The following MAGI2 variants were observed in gnomAD, a reference collection of about 807,000 sequenced individuals.
The protein encoded by MAGI2 is membrane-associated guanylate kinase, WW and PDZ domain-containing protein 2.
Under a neutral mutation model 133.3 loss-of-function variants are expected in MAGI2, and 35 were observed. That is an observed-to-expected ratio of 0.26 (90% confidence interval 0.20 to 0.35). The LOEUF (loss-of-function observed/expected upper bound fraction) is 0.35. MAGI2 is among the 10% of genes least tolerant of loss of function. The pLI is 1.00. For synonymous variants in MAGI2, 729 were observed against 710.6 expected (o/e 1.03, Z -0.41); for missense variants, 1,636 against 1,863.4 (o/e 0.88, Z 2.25).
chr7:79,355,712 C>G (rs922415312), intron 1 of MAGI2, among the ~76,000 whole-genome samples: 1 of 152,162 alleles, frequency 6.6e-6, no homozygotes, highest in South Asian at 2.1e-4. Context: ...TAGAGTTCTA[C>G]CTATTTTTAT....
At chr7:79,397,677 T>G (rs2129158534) in intron 1 of MAGI2, among the ~76,000 whole-genome samples, 1 of 152,288 alleles carries the variant, frequency 6.6e-6, no homozygotes, top group Non-Finnish European at 1.5e-5. Context: ...TACTTGTTTT[T>G]GTTAGCAATT....
intron 3 of MAGI2, among the ~76,000 whole-genome samples, chr7:78,602,153 A>C (rs942441250): frequency 6.6e-6 from 1 of 152,050 alleles, no homozygotes; most frequent in Non-Finnish European, 1.5e-5. Context: ...GAGATTAAGT[A>C]CTTTTTTTTT....
At chr7:79,253,937 G>T (rs992753648) in intron 1 of MAGI2, among the ~76,000 whole-genome samples, 1 of 152,122 alleles carries the variant, frequency 6.6e-6, no homozygotes, top group Middle Eastern at 3.4e-3. Context: ...TGGATCTAAA[G>T]ATATTTATCA....
chr7:78,885,521 T>A (rs535234513), intron 2 of MAGI2, among the ~76,000 whole-genome samples: 2 of 151,992 alleles, frequency 1.3e-5, no homozygotes, highest in South Asian at 4.2e-4. Context: ...GAACTTTAAG[T>A]GGAACAATCA....
chr7:78,961,855 C>G (rs1802870739), intron 2 of MAGI2, among the ~76,000 whole-genome samples: 1 of 152,002 alleles, frequency 6.6e-6, no homozygotes, highest in Admixed American at 6.6e-5. Flanking sequence ...TTACACAAAC[C>G]TAGATGGTAT....
intron 1 of MAGI2, among the ~76,000 whole-genome samples, chr7:79,358,760 C>T (rs1410002385): frequency 1.3e-5 from 2 of 152,088 alleles, no homozygotes; most frequent in African/African-American, 4.8e-5. Flanking sequence ...GAACCAACAG[C>T]AAGAAGGAGG....
chr7:79,336,817 C>G (rs373508064), intron 1 of MAGI2, among the ~76,000 whole-genome samples: 2 of 151,806 alleles, frequency 1.3e-5, no homozygotes, highest in African/African-American at 4.8e-5. Flanking sequence ...ATACAGAGAT[C>G]GAGAATAACA....
chr7:78,586,892 C>T (rs1803474520), intron 3 of MAGI2, among the ~76,000 whole-genome samples: 1 of 152,224 alleles, frequency 6.6e-6, no homozygotes, highest in African/African-American at 2.4e-5. Flanking sequence ...CATGTTGTAG[C>T]ATTTTTCAGA....
At chr7:78,299,260 A>T (rs1797616910) in intron 9 of MAGI2, among the ~76,000 whole-genome samples, 1 of 152,216 alleles carries the variant, frequency 6.6e-6, no homozygotes, top group Non-Finnish European at 1.5e-5. Context: ...AATGAGTCAT[A>T]TTTCAAATTT....
At chr7:78,307,089 C>T (rs908750367) in intron 9 of MAGI2, among the ~76,000 whole-genome samples, 1 of 152,012 alleles carries the variant, frequency 6.6e-6, no homozygotes, top group Non-Finnish European at 1.5e-5. Flanking sequence ...AATATTAATC[C>T]CATACTAAAG....
At chr7:78,785,209 A>T (rs1826715475) in intron 2 of MAGI2, among the ~76,000 whole-genome samples, 1 of 152,228 alleles carries the variant, frequency 6.6e-6, no homozygotes, top group African/African-American at 2.4e-5. Flanking sequence ...TAAATATTTT[A>T]AAATGGGAGA....
chr7:78,722,240 A>C (rs1181251381), intron 2 of MAGI2, among the ~76,000 whole-genome samples: 1 of 151,950 alleles, frequency 6.6e-6, no homozygotes, highest in African/African-American at 2.4e-5. Flanking sequence ...TAAGCAATGT[A>C]GTTTTACTTT....
At chr7:79,172,275 T>C (rs6971099) in intron 1 of MAGI2, among the ~76,000 whole-genome samples, 90,230 of 151,892 alleles carry the variant, frequency 0.59, 31,363 homozygotes, top group Non-Finnish European at 0.78. Flanking sequence ...TTCAGTTTGA[T>C]CTCTTGGTAT....
At chr7:79,171,751 T>TATATAC (rs1825582402) in intron 1 of MAGI2, among the ~76,000 whole-genome samples, 1 of 29,474 alleles carries the variant, frequency 3.4e-5, no homozygotes, top group Non-Finnish European at 1.1e-4. Context: ...AAAATATATA[T>TATATAC]ATATATATAT....
intron 1 of MAGI2, among the ~76,000 whole-genome samples, chr7:79,133,473 T>G (rs1821117983): frequency 2.0e-5 from 3 of 152,238 alleles, no homozygotes; most frequent in Non-Finnish European, 4.4e-5. Flanking sequence ...GTATTTGGCT[T>G]TATTTCTGGG....
At chr7:78,411,132 T>C (rs773522188) in intron 6 of MAGI2, among the ~76,000 whole-genome samples, 8 of 152,048 alleles carry the variant, frequency 5.3e-5, no homozygotes, top group Admixed American at 5.3e-4. Flanking sequence ...ACTGAATTTG[T>C]TTTTCTTTTA....
chr7:78,942,479 A>G (rs1801066490), intron 2 of MAGI2, among the ~76,000 whole-genome samples: 1 of 152,154 alleles, frequency 6.6e-6, no homozygotes, highest in Non-Finnish European at 1.5e-5. Context: ...GAATATATTT[A>G]TAGTCTCTTT....
chr7:78,946,853 A>T (rs2151692754), intron 2 of MAGI2: 1 of 152,266 alleles, frequency 6.6e-6, no homozygotes, highest in East Asian at 1.9e-4. Context: ...CACCCAAAGG[A>T]ATTTGTTCTT....
chr7:79,369,843 G>GA (rs139615304), intron 1 of MAGI2, among the ~76,000 whole-genome samples: 2 of 151,900 alleles, frequency 1.3e-5, no homozygotes, highest in African/African-American at 4.8e-5. Flanking sequence ...AAATAAAGAT[G>GA]AAAAAACATC....
Sources: allele counts gnomAD v4.1 joint callset (sites outside exome capture counted in the v4.1 genomes callset), GRCh38; gene constraint gnomAD v4.1.1; transcripts MANE v1.5; gene names NCBI Gene and HGNC (gene_info 2026-07-23, HGNC 2026-07-21).